PCDH15: variants seen among roughly 807,000 people sequenced by gnomAD.
PCDH15 encodes protocadherin related 15.
PCDH15 carries 129 observed loss-of-function variants against 178.5 expected under a neutral mutation model. The ratio of observed to expected loss-of-function variants is 0.72; its 90% CI spans 0.63 to 0.84. The LOEUF is 0.84. Among genes scored for constraint, PCDH15 ranks in the 40% least tolerant of loss-of-function variants. The pLI is 0.00. For missense variants in PCDH15, 2,230 were observed against 2,099.9 expected (o/e 1.06, Z -1.21); for synonymous variants, 800 against 732.0 (o/e 1.09, Z -1.50).
At chr10:54,979,668 CAAAA>C (rs57794335) in intron 2 of PCDH15, among the ~76,000 whole-genome samples, 27 of 108,628 alleles carry the variant, frequency 2.5e-4, no homozygotes, top group Middle Eastern at 5.8e-3. Flanking sequence ...GACTGTGTCT[CAAAA>C]AAAAAAAAAA....
intron 2 of PCDH15, among the ~76,000 whole-genome samples, chr10:55,394,216 T>TAA (rs1484208290): frequency 3.4e-5 from 1 of 29,756 alleles, no homozygotes; most frequent in African/African-American, 1.6e-4. Flanking sequence ...TCTACAACTA[T>TAA]AACACTATTT....
At chr10:54,862,825 C>T (rs1213829425) in intron 3 of PCDH15, among the ~76,000 whole-genome samples, 2 of 152,136 alleles carry the variant, frequency 1.3e-5, no homozygotes, top group African/African-American at 4.8e-5. Flanking sequence ...GATGGAGTTG[C>T]CCAGTCTTGA....
chr10:54,470,316 C>T (rs1213037858), intron 3 of PCDH15, among the ~76,000 whole-genome samples: 1 of 152,076 alleles, frequency 6.6e-6, no homozygotes, highest in Non-Finnish European at 1.5e-5. Context: ...GTGTGGCGAC[C>T]CTGCTGCTAA....
At chr10:55,498,956 T>G (rs1366013817) in intron 2 of PCDH15, among the ~76,000 whole-genome samples, 1 of 151,886 alleles carries the variant, frequency 6.6e-6, no homozygotes, top group African/African-American at 2.4e-5. Context: ...CAGGGAATGG[T>G]AGGTATCCTC....
chr10:55,535,800 T>C (rs566672622), intron 2 of PCDH15, among the ~76,000 whole-genome samples: 63 of 152,140 alleles, frequency 4.1e-4, no homozygotes, highest in African/African-American at 1.4e-3. Context: ...TAACACTTCA[T>C]GCCAAATTAA....
intron 3 of PCDH15, among the ~76,000 whole-genome samples, chr10:54,436,181 G>T (rs1328167169): frequency 6.6e-6 from 1 of 151,288 alleles, no homozygotes; most frequent in Admixed American, 6.6e-5. Context: ...AAGAAGGAAA[G>T]AAGTTCAGCA....
chr10:55,034,169 A>C (rs1840680812), intron 2 of PCDH15, among the ~76,000 whole-genome samples: 1 of 152,218 alleles, frequency 6.6e-6, no homozygotes, highest in Non-Finnish European at 1.5e-5. Context: ...AATAGAGTTC[A>C]GAGTGATAAA....
At chr10:55,050,215 G>T (rs1841124253) in intron 2 of PCDH15, among the ~76,000 whole-genome samples, 1 of 131,248 alleles carries the variant, frequency 7.6e-6, no homozygotes, top group African/African-American at 2.9e-5. Flanking sequence ...TTCAGGGTTA[G>T]AAGTCCTGGG....
chr10:54,848,933 C>T (rs1953560986), intron 3 of PCDH15, among the ~76,000 whole-genome samples: 1 of 152,006 alleles, frequency 6.6e-6, no homozygotes, highest in South Asian at 2.1e-4. Context: ...GAAAGGCATT[C>T]CAGGGAGAAA....
intron 25 of PCDH15, among the ~76,000 whole-genome samples, chr10:53,937,686 T>C (rs962277205): frequency 6.6e-6 from 1 of 152,156 alleles, no homozygotes; most frequent in African/African-American, 2.4e-5. Flanking sequence ...AGGTTCACGA[T>C]AAATGAAAAG....
intron 3 of PCDH15, among the ~76,000 whole-genome samples, chr10:54,456,751 C>T (rs1565324184): frequency 6.6e-6 from 1 of 152,120 alleles, no homozygotes. Context: ...ATAATCTTCA[C>T]ATGTCATGGG....
At chr10:54,663,977 C>T (rs1016737963) in intron 2 of PCDH15, among the ~76,000 whole-genome samples, 195 bp downstream of exon 2, 24 of 151,942 alleles carry the variant, frequency 1.6e-4, no homozygotes, top group African/African-American at 4.8e-4. Context: ...TACCATGCTG[C>T]AATCTTTATT....
chr10:55,468,354 A>G (rs1376742341), intron 2 of PCDH15: 2 of 152,160 alleles, frequency 1.3e-5, no homozygotes, highest in Non-Finnish European at 2.9e-5. Context: ...TTTCAATCAT[A>G]GTTTAAGCTA....
chr10:55,522,909 T>C (rs1841216958), intron 2 of PCDH15, among the ~76,000 whole-genome samples: 1 of 151,730 alleles, frequency 6.6e-6, no homozygotes, highest in Admixed American at 6.6e-5. Context: ...TTGTCTTAAT[T>C]GTGATTTGTT....
intron 2 of PCDH15, among the ~76,000 whole-genome samples, chr10:55,621,167 A>C (rs1472404021): frequency 6.6e-6 from 1 of 152,186 alleles, no homozygotes; most frequent in Non-Finnish European, 1.5e-5. Flanking sequence ...AGAGATAATA[A>C]TATGAATAGA....
intron 1 of PCDH15, among the ~76,000 whole-genome samples, chr10:55,207,738 C>CGGGCATATCACCTGAGGT (rs1439634530): frequency 6.6e-6 from 1 of 152,028 alleles, no homozygotes; most frequent in Non-Finnish European, 1.5e-5. Context: ...GAGGCTGAGG[C>CGGGCATATCACCTGAGGT]GGGCATATCA....
At chr10:54,069,279 T>C (rs2094196397) in intron 17 of PCDH15, among the ~76,000 whole-genome samples, 1 of 152,202 alleles carries the variant, frequency 6.6e-6, no homozygotes, top group East Asian at 1.9e-4. Context: ...TCCACTGTTT[T>C]TCTCATCCTA....
chr10:54,132,770 C>T, intron 15 of PCDH15, 105 bp downstream of exon 15: 1 of 1,514,222 alleles, frequency 6.6e-7, no homozygotes, highest in Non-Finnish European at 8.9e-7. Context: ...TGGAGGCAAG[C>T]ATGTGAGGTT....
chr10:55,479,637 T>G (rs74475578), intron 2 of PCDH15, among the ~76,000 whole-genome samples: 6,721 of 151,670 alleles, frequency 0.044, 409 homozygotes, highest in East Asian at 0.29. Context: ...ACCACTTTTC[T>G]TCAACATAGT....
Sources: allele counts gnomAD v4.1 joint callset (sites outside exome capture counted in the v4.1 genomes callset), GRCh38; gene constraint gnomAD v4.1.1; transcripts MANE v1.5; gene names NCBI Gene and HGNC (gene_info 2026-07-23, HGNC 2026-07-21).